Variants in UBE2E2 observed in about 807,000 individuals in gnomAD.
UBE2E2 encodes ubiquitin-conjugating enzyme E2 E2.
In UBE2E2, 6 loss-of-function variants were observed where a neutral mutation model predicts 24.7. That is an observed-to-expected ratio of 0.24 (90% confidence interval 0.13 to 0.48). The LOEUF is 0.48. Ranked by LOEUF, UBE2E2 falls within the 20% of genes least tolerant of loss-of-function variation. The probability of loss-of-function intolerance (pLI) is 0.99; values close to 1 mark genes in which losing one functional copy is unlikely to be tolerated. For missense variants in UBE2E2, 169 were observed against 245.0 expected, an observed-to-expected ratio of 0.69 and a Z score of 2.07; for synonymous variants, 104 against 83.6, an observed-to-expected ratio of 1.24 and a Z score of -1.33.
In UBE2E2 at chr3:23,334,368, C is replaced by G. The variant is rs184595668; in HGVS notation, c.227+117056C>G. Among the ~76,000 whole-genome samples, 115 of 152,044 alleles carry G rather than the reference C, an allele frequency of 7.6e-4. 5 individuals are homozygous for G. The East Asian group carries it at 0.017, about 22-fold the overall frequency. On this transcript the variant is annotated intron_variant, in intron 3 of 5. Coordinates refer to ENST00000396703, the MANE Select transcript of UBE2E2 (RefSeq NM_152653.4). ...TCTTTGTCTTTGTCTTCTAAGCCCT[C>G]GAGATCTCTTTCTCCATCACTATTG...
intron 3 of UBE2E2, among the ~76,000 whole-genome samples, chr3:23,303,130 T>A (rs1288076984): frequency 6.6e-6 from 1 of 152,106 alleles, no homozygotes; most frequent in Non-Finnish European, 1.5e-5. Flanking sequence ...GAACTGTGCA[T>A]GTGAGGGATC....
intron 3 of UBE2E2, among the ~76,000 whole-genome samples, chr3:23,430,320 A>G (rs374276231): frequency 2.0e-5 from 3 of 152,146 alleles, no homozygotes; most frequent in Non-Finnish European, 4.4e-5. Context: ...CCCATCTTCT[A>G]TAATATAGCA....
chr3:23,475,829 A>G (rs144387004), intron 3 of UBE2E2, among the ~76,000 whole-genome samples: 1 of 152,212 alleles, frequency 6.6e-6, no homozygotes, highest in East Asian at 1.9e-4. Flanking sequence ...AATGCTAGGT[A>G]CATCATGCCT....
At chr3:23,313,287 T>C (rs1559344163) in intron 3 of UBE2E2, among the ~76,000 whole-genome samples, 2 of 152,156 alleles carry the variant, frequency 1.3e-5, no homozygotes, top group Non-Finnish European at 2.9e-5. Context: ...TTTTTTGGTT[T>C]CCATTTGCAT....
At chr3:23,540,164 A>G (rs1695356997) in intron 5 of UBE2E2, among the ~76,000 whole-genome samples, 1 of 152,054 alleles carries the variant, frequency 6.6e-6, no homozygotes, top group African/African-American at 2.4e-5. Context: ...CCTGCACTCA[A>G]GCAACCCTCC....
chr3:23,459,735 A>G (rs1698767724), intron 3 of UBE2E2, among the ~76,000 whole-genome samples: 1 of 152,226 alleles, frequency 6.6e-6, no homozygotes, highest in South Asian at 2.1e-4. Flanking sequence ...AAGGTCCACC[A>G]GCTGGTGTAG....
intron 3 of UBE2E2, chr3:23,449,968 G>T (rs569172475): frequency 1.1e-5 from 11 of 976,240 alleles, no homozygotes; most frequent in African/African-American, 1.7e-5. Context: ...CTGGCCACTG[G>T]GCCCACTGCT....
intron 3 of UBE2E2, among the ~76,000 whole-genome samples, chr3:23,348,234 T>C (rs933077289): frequency 6.6e-6 from 1 of 151,970 alleles, no homozygotes; most frequent in African/African-American, 2.4e-5. Flanking sequence ...CTTATCTCTC[T>C]GCATAAATGC....
intron 2 of UBE2E2, among the ~76,000 whole-genome samples, chr3:23,209,455 A>G (rs911545392): frequency 3.9e-5 from 6 of 152,218 alleles, no homozygotes; most frequent in African/African-American, 9.6e-5. Context: ...AATGATTGGC[A>G]TGTCACTGGA....
At chr3:23,569,518 C>A (rs1696173364) in intron 5 of UBE2E2, among the ~76,000 whole-genome samples, 1 of 152,178 alleles carries the variant, frequency 6.6e-6, no homozygotes, top group African/African-American at 2.4e-5. Flanking sequence ...AAAAACCTAG[C>A]TTCCAATATC....
At chr3:23,542,921 CTTAA>C (rs1390029343) in intron 5 of UBE2E2, among the ~76,000 whole-genome samples, 1 of 152,128 alleles carries the variant, frequency 6.6e-6, no homozygotes, top group Non-Finnish European at 1.5e-5. Flanking sequence ...TTTATTGTCT[CTTAA>C]TTAATATAAA....
At chr3:23,441,318 A>G (rs972372553) in intron 3 of UBE2E2, among the ~76,000 whole-genome samples, 1 of 149,346 alleles carries the variant, frequency 6.7e-6, no homozygotes, top group Non-Finnish European at 1.5e-5. Context: ...ACGTCATGAG[A>G]TCGAGACCGT....
At chr3:23,436,101 T>C (rs1698175309) in intron 3 of UBE2E2, among the ~76,000 whole-genome samples, 1 of 152,138 alleles carries the variant, frequency 6.6e-6, no homozygotes, top group African/African-American at 2.4e-5. Flanking sequence ...CCCCAGCCGC[T>C]CACCTCCTGC....
intron 5 of UBE2E2, among the ~76,000 whole-genome samples, chr3:23,547,884 T>A (rs1695558555): frequency 6.6e-6 from 1 of 152,210 alleles, no homozygotes; most frequent in South Asian, 2.1e-4. Flanking sequence ...GTGATCACAT[T>A]GACTTTTAAA....
At chr3:23,258,890 C>A (rs2125352371) in intron 3 of UBE2E2, among the ~76,000 whole-genome samples, 1 of 82,788 alleles carries the variant, frequency 1.2e-5, no homozygotes. Context: ...GAGACTCTGT[C>A]TCAAAAAAAG....
At chr3:23,543,428 A>C (rs1695442554) in intron 5 of UBE2E2, among the ~76,000 whole-genome samples, 1 of 152,144 alleles carries the variant, frequency 6.6e-6, no homozygotes, top group Admixed American at 6.6e-5. Context: ...AGCCAAGCTG[A>C]GAATCAAATC....
At chr3:23,368,700 A>G (rs1377276803) in intron 3 of UBE2E2, among the ~76,000 whole-genome samples, 1 of 152,146 alleles carries the variant, frequency 6.6e-6, no homozygotes, top group Admixed American at 6.5e-5. Context: ...GTTGAGAGGT[A>G]TTTCACAAAT....
At chr3:23,349,836 C>A (rs1008119431) in intron 3 of UBE2E2, among the ~76,000 whole-genome samples, 7 of 152,340 alleles carry the variant, frequency 4.6e-5, no homozygotes, top group African/African-American at 1.7e-4. Context: ...CAGCAGTAAC[C>A]TCTGCAGACT....
At chr3:23,377,153 T>C (rs2125346389) in intron 3 of UBE2E2, among the ~76,000 whole-genome samples, 1 of 152,288 alleles carries the variant, frequency 6.6e-6, no homozygotes, top group Non-Finnish European at 1.5e-5. Context: ...TTTCTGACCA[T>C]GGATAGCTTA....
Sources: allele counts gnomAD v4.1 joint callset (sites outside exome capture counted in the v4.1 genomes callset), GRCh38; gene constraint gnomAD v4.1.1; transcripts MANE v1.5; gene names NCBI Gene and HGNC (gene_info 2026-07-23, HGNC 2026-07-21).